Variants in ARID1B observed in about 807,000 individuals in gnomAD.
The protein encoded by ARID1B is AT-rich interactive domain-containing protein 1B.
In ARID1B, 30 loss-of-function variants were observed where a neutral mutation model predicts 212.3. That is an observed-to-expected ratio of 0.14 (90% CI 0.11 to 0.19). The LOEUF is 0.19. ARID1B is among the 10% of genes least tolerant of loss of function. The pLI is 1.00. For missense variants in ARID1B, 2,891 were observed against 3,204.0 expected, an observed-to-expected ratio of 0.90 and a Z score of 2.36; for synonymous variants, 1,402 against 1,301.7, an observed-to-expected ratio of 1.08 and a Z score of -1.66.
At chr6:156,858,703 T>G (rs1467027869) in intron 2 of ARID1B, among the ~76,000 whole-genome samples, 1 of 152,052 alleles carries the variant, frequency 6.6e-6, no homozygotes, top group African/African-American at 2.4e-5. Context: ...CAGAAGGTGG[T>G]GGCTGGAGTG....
Position 156,777,857 on chromosome 6 carries a change from G to GGGCGGCGGCGAC in ARID1B, c.188_199dup (p.Asp63_Gly66dup), listed in dbSNP as rs1554247040. The GGGCGGCGGCGAC allele has an allele frequency of 1.7e-4, 226 of 1,337,298 alleles. No homozygotes were observed. The highest frequency in any genetic ancestry group is 2.8e-4 in the Admixed American group (7 of 24,922). The allele number at this position is 1,337,298 out of a possible 1,614,324, so 82.8% of individuals were successfully genotyped here. ...CGGCGGCACCGGGACCCATGCTGGG[G>GGGCGGCGGCGAC]GGCGGCGGCGACGGCGGCGGCGGCC... On this transcript the variant is annotated inframe_insertion, in exon 1 of 20. Transcript: ENST00000636930.
chr6:156,922,215 C>T (rs1790866316), intron 3 of ARID1B, among the ~76,000 whole-genome samples: 1 of 150,298 alleles, frequency 6.7e-6, no homozygotes, highest in Non-Finnish European at 1.5e-5. Flanking sequence ...CTGTGTCGTC[C>T]AGGCTGGAGT....
At chr6:157,102,647 C>A (rs1418966584) in intron 5 of ARID1B, among the ~76,000 whole-genome samples, 1 of 113,698 alleles carries the variant, frequency 8.8e-6, no homozygotes, top group African/African-American at 3.4e-5. Context: ...GAGTCTTGCT[C>A]TGTCACCCAG....
intron 6 of ARID1B, 111 bp from the exon 7 acceptor site, chr6:157,132,917 T>C (rs1187648288): frequency 5.1e-6 from 6 of 1,171,394 alleles, no homozygotes; most frequent in African/African-American, 3.1e-5. Context: ...GAGAATCTTA[T>C]GGTACCAGCC....
intron 15 of ARID1B, chr6:157,194,885 T>A (rs1793610693): frequency 6.6e-6 from 1 of 152,152 alleles, no homozygotes; most frequent in South Asian, 2.1e-4. Context: ...CTCAAGAGGT[T>A]GAGGAAGGCA....
chr6:156,818,010 C>G (rs1311663307), intron 1 of ARID1B, among the ~76,000 whole-genome samples: 2 of 150,050 alleles, frequency 1.3e-5, no homozygotes, highest in African/African-American at 4.9e-5. Context: ...CTAATTTTGT[C>G]TGTTGTCCTA....
chr6:157,165,769 A>G (rs1480344322), intron 8 of ARID1B, among the ~76,000 whole-genome samples: 4 of 152,300 alleles, frequency 2.6e-5, no homozygotes, highest in African/African-American at 9.6e-5. Context: ...GAGTCGCTTG[A>G]GCCTGGGAAA....
rs181136517 is a variant in ARID1B at position 156,859,089 on chromosome 6, G to A, written c.1986+29668G>A. 3.3e-3 allele frequency among the ~76,000 whole-genome samples: 496 copies of A among 152,206 alleles called. 2 individuals are homozygous for A. The highest frequency in any genetic ancestry group is 0.011 in the African/African-American group (472 of 41,540). On this transcript the variant is annotated intron_variant, in intron 2 of 19. Transcript: ENST00000636930. Reference sequence around the variant, plus strand: ...TGATTACCATGTCACTGTTTGATAGGAATTTTTCAGTAATTGTATGGGACC... The same window carrying A: ...TGATTACCATGTCACTGTTTGATAGAAATTTTTCAGTAATTGTATGGGACC...
intron 1 of ARID1B, among the ~76,000 whole-genome samples, chr6:156,822,455 T>C (rs1367171694): frequency 6.6e-6 from 1 of 152,234 alleles, no homozygotes; most frequent in East Asian, 1.9e-4. Flanking sequence ...TGAGCTCTGC[T>C]ACCGTGAGCC....
intron 5 of ARID1B, among the ~76,000 whole-genome samples, chr6:157,087,148 G>T (rs1785014870): frequency 6.6e-6 from 1 of 152,158 alleles, no homozygotes; most frequent in African/African-American, 2.4e-5. Context: ...AAATTAGGCA[G>T]CAAAAGCTCC....
At chr6:157,100,323 C>G (rs1583306134) in intron 5 of ARID1B, among the ~76,000 whole-genome samples, 1 of 152,182 alleles carries the variant, frequency 6.6e-6, no homozygotes, top group African/African-American at 2.4e-5. Flanking sequence ...ACACCCCATG[C>G]TGAACAATAG....
chr6:157,161,363 G>C (rs1301921621), intron 8 of ARID1B, among the ~76,000 whole-genome samples: 1 of 151,476 alleles, frequency 6.6e-6, no homozygotes, highest in Non-Finnish European at 1.5e-5. Context: ...CAGGCACGCT[G>C]GTGGATTAGC....
At chr6:156,922,032 AAGGTCT>A (rs1233306173) in intron 3 of ARID1B, among the ~76,000 whole-genome samples, 1 of 152,160 alleles carries the variant, frequency 6.6e-6, no homozygotes, top group African/African-American at 2.4e-5. Flanking sequence ...TGGCAAAAAG[AAGGTCT>A]GTACCTCTTT....
intron 9 of ARID1B, chr6:157,168,727 G>A (rs778503616): frequency 6.6e-6 from 1 of 152,246 alleles, no homozygotes; most frequent in South Asian, 2.1e-4. Flanking sequence ...CACAGAGAGG[G>A]TTTCTTTCTA....
At chr6:157,013,334 A>G (rs533729936) in intron 4 of ARID1B, among the ~76,000 whole-genome samples, 1 of 152,312 alleles carries the variant, frequency 6.6e-6, no homozygotes, top group Non-Finnish European at 1.5e-5. Context: ...CCTCTGTTGC[A>G]TGACATTTAG....
At chr6:157,149,042 G>C in intron 8 of ARID1B, 91 bp downstream of exon 8, 7 of 1,310,594 alleles carry the variant, frequency 5.3e-6, no homozygotes, top group Non-Finnish European at 7.4e-6. Flanking sequence ...GTTCCCTGGG[G>C]TCACACAGAG....
intron 6 of ARID1B, chr6:157,119,504 C>T (rs539828993): frequency 6.5e-6 from 1 of 153,170 alleles, no homozygotes; most frequent in Non-Finnish European, 1.5e-5. Flanking sequence ...AAACTCTTCT[C>T]TCCAACTGGA....
At chr6:156,882,218 G>C (rs9372023) in intron 2 of ARID1B, among the ~76,000 whole-genome samples, 1 of 151,846 alleles carries the variant, frequency 6.6e-6, no homozygotes, top group Non-Finnish European at 1.5e-5. Flanking sequence ...CCTTGGTCCC[G>C]GTGGAGCAGC....
At chr6:156,844,744 C>A (rs1784115288) in intron 2 of ARID1B, among the ~76,000 whole-genome samples, 1 of 152,160 alleles carries the variant, frequency 6.6e-6, no homozygotes, top group South Asian at 2.1e-4. Flanking sequence ...CATATTATAA[C>A]TTTTGGTTAA....
Sources: allele counts gnomAD v4.1 joint callset (sites outside exome capture counted in the v4.1 genomes callset), GRCh38; gene constraint gnomAD v4.1.1; transcripts MANE v1.5; gene names NCBI Gene and HGNC (gene_info 2026-07-23, HGNC 2026-07-21).